The following SPTB variants were observed in gnomAD, a reference collection of about 807,000 sequenced individuals.
The protein encoded by SPTB is spectrin beta chain, erythrocytic.
SPTB carries 45 observed loss-of-function variants against 256.2 expected under a neutral mutation model. The ratio of observed to expected loss-of-function variants is 0.18; its 90% CI spans 0.14 to 0.23. The LOEUF is 0.23. Ranked by LOEUF, SPTB falls within the 10% of genes least tolerant of loss-of-function variation. SPTB has a pLI of 1.00. For missense variants in SPTB, 2,715 were observed against 3,040.4 expected (o/e 0.89, Z 2.52); for synonymous variants, 1,231 against 1,243.1 (o/e 0.99, Z 0.21).
rs937595624 is a variant in SPTB at position 64,825,975 on chromosome 14, G to GGTTTTT, written c.-51-2836_-51-2831dup. On this transcript the variant is annotated intron_variant, in intron 1 of 35. Transcript: ENST00000644917. This position sits in a 1 kb window ranked among gnomAD's most constrained non-coding sequence, Gnocchi z 4.8. ...TGTGTGTCTAAATATACAGCTGGAGGGTTTTTGTTTTTGTTTTTGTTTTGG... is the reference window on the plus strand; with the variant it reads ...TGTGTGTCTAAATATACAGCTGGAGGGTTTTTGTTTTTGTTTTTGTTTTTGTTTTGG... Among the ~76,000 whole-genome samples the GGTTTTT allele has an allele frequency of 1.3e-5, 2 of 152,328 alleles. No individual in the cohort carries two copies. Among genetic ancestry groups the GGTTTTT allele is most frequent in the Non-Finnish European group, 2.9e-5 (2 of 68,036 alleles).
chr14:64,765,932 A>ATG (rs372157509), intron 32 of SPTB, among the ~76,000 whole-genome samples: 7,241 of 124,102 alleles, frequency 0.058, 282 homozygotes, highest in African/African-American at 0.12. Context: ...ATGAGTGTGT[A>ATG]TGTGTGTGGG....
intron 15 of SPTB, 103 bp from the exon 16 acceptor site, chr14:64,787,263 C>T (rs2082589139): frequency 2.0e-6 from 3 of 1,468,072 alleles, no homozygotes; most frequent in African/African-American, 2.8e-5. Flanking sequence ...ACAAGTCTCC[C>T]CCCACAGACT....
chr14:64,849,511 T>C (rs1290004351), intron 1 of SPTB, among the ~76,000 whole-genome samples: 2 of 152,232 alleles, frequency 1.3e-5, no homozygotes, highest in African/African-American at 4.8e-5. Context: ...TTACTAAACC[T>C]TGGACACTTC....
intron 1 of SPTB, among the ~76,000 whole-genome samples, chr14:64,874,644 A>C (rs879647648): frequency 3.3e-5 from 5 of 152,250 alleles, no homozygotes; most frequent in African/African-American, 1.2e-4. Flanking sequence ...GGACAGAATA[A>C]GGTTACAGAC....
chr14:64,845,163 T>C lies in SPTB; in HGVS notation c.-51-22018A>G. Among the ~76,000 whole-genome samples, 1 of 152,220 alleles carries C rather than the reference T, an allele frequency of 6.6e-6. No individual in the cohort carries two copies. The highest frequency in any genetic ancestry group is 1.9e-4 in the East Asian group (1 of 5,190). ...TCTGGGCATGGCAGAACTAGCCTGC[T>C]CCCTGTCATTATCTCTTTTATGCCC... On this transcript the variant is annotated intron_variant, in intron 1 of 35. Transcript: ENST00000644917. The surrounding 1 kb of genome is among the most constrained non-coding windows in gnomAD (Gnocchi z 4.8).
In SPTB at chr14:64,793,383, T is replaced by C. The variant is rs769469651; in HGVS notation, c.2280A>G (p.Gln760=). The C allele has an allele frequency of 1.2e-5, 19 of 1,612,996 alleles. No homozygotes were observed. The Middle Eastern group carries it at 4.9e-4, about 42-fold the overall frequency. The change falls in exon 14 of 36, where the codon CAA becomes CAG. Residue 760 remains glutamine, a synonymous_variant. Coordinates refer to ENST00000644917, the MANE Select transcript of SPTB (RefSeq NM_001355436.2). The surrounding 1 kb of genome is among the most constrained non-coding windows in gnomAD (Gnocchi z 7.0). ...GDADDLKAWL[Q]DAHRLLSGED... Reference sequence around the variant, plus strand: ...CACCAGAGAGCAGCCGGTGGGCGTCTTGCAGCCAAGCCTTCAGGTCATCCG... The same window carrying C: ...CACCAGAGAGCAGCCGGTGGGCGTCCTGCAGCCAAGCCTTCAGGTCATCCG...
At chr14:64,780,003 T>C in intron 20 of SPTB, 72 bp from the exon 21 acceptor site, 1 of 1,352,052 alleles carries the variant, frequency 7.4e-7, no homozygotes, top group Non-Finnish European at 1.1e-6. Context: ...TTCATTCATC[T>C]GCATCCCACC....
intron 2 of SPTB, among the ~76,000 whole-genome samples, chr14:64,820,841 T>C (rs1215439962): frequency 8.1e-6 from 1 of 124,102 alleles, no homozygotes; most frequent in Admixed American, 8.0e-5. Flanking sequence ...CAGCTATTTC[T>C]TTTTTTTTTG....
At chr14:64,870,601 GAC>G (rs1882471531) in intron 1 of SPTB, among the ~76,000 whole-genome samples, 1 of 152,194 alleles carries the variant, frequency 6.6e-6, no homozygotes, top group Admixed American at 6.5e-5. Flanking sequence ...ATCACCCAAA[GAC>G]AGTGTTCTGA....
intron 1 of SPTB, among the ~76,000 whole-genome samples, chr14:64,876,342 G>A (rs535483157): frequency 5.9e-5 from 9 of 152,142 alleles, no homozygotes; most frequent in African/African-American, 2.2e-4. Flanking sequence ...GGTTTGGCCA[G>A]GCTGGTCTCG....
chr14:64,818,762 G>A (rs1420339570), intron 2 of SPTB, among the ~76,000 whole-genome samples: 1 of 152,182 alleles, frequency 6.6e-6, no homozygotes, highest in African/African-American at 2.4e-5. Flanking sequence ...GGGGCTGTGT[G>A]ACAATTAGGG....
intron 1 of SPTB, among the ~76,000 whole-genome samples, chr14:64,848,047 C>A (rs2083720600): frequency 1.3e-5 from 2 of 152,070 alleles, no homozygotes; most frequent in Non-Finnish European, 2.9e-5. Context: ...AGTCCATGGC[C>A]CTCTTTGATT....
chr14:64,879,251 G>C (rs576518500), intron 1 of SPTB, among the ~76,000 whole-genome samples: 100 of 152,308 alleles, frequency 6.6e-4, no homozygotes, highest in Non-Finnish European at 1.1e-3. Flanking sequence ...CCAGCACCCG[G>C]AGGCCCGGCC....
chr14:64,855,476 T>A (rs17102227), intron 1 of SPTB, among the ~76,000 whole-genome samples: 2,159 of 152,284 alleles, frequency 0.014, 33 homozygotes, highest in African/African-American at 0.041. Context: ...ATATTCATCA[T>A]CCCTTGTGTT....
Position 64,826,098 on chromosome 14 carries a change from C to T in SPTB, c.-51-2953G>A, listed in dbSNP as rs1000624169. Among the ~76,000 whole-genome samples the T allele has an allele frequency of 6.6e-6, 1 of 152,190 alleles. No individual in the cohort carries two copies. The highest frequency in any genetic ancestry group is 2.4e-5 in the African/African-American group (1 of 41,446). On this transcript the variant is annotated intron_variant, in intron 1 of 35. Transcript: ENST00000644917. The surrounding 1 kb of genome is among the most constrained non-coding windows in gnomAD (Gnocchi z 4.4). ...TGCCCTCTTCCCCTGCCATGCCCAC[C>T]CCAGGCCCTGCCCAGATGGCATTCC...
intron 1 of SPTB, among the ~76,000 whole-genome samples, chr14:64,859,904 C>A (rs575348839): frequency 6.0e-4 from 90 of 149,102 alleles, no homozygotes; most frequent in Non-Finnish European, 1.1e-3. Flanking sequence ...CATTTGTGAT[C>A]AGAAAAAAAA....
At chr14:64,851,900 T>C (rs2083794770) in intron 1 of SPTB, among the ~76,000 whole-genome samples, 1 of 151,764 alleles carries the variant, frequency 6.6e-6, no homozygotes, top group Non-Finnish European at 1.5e-5. Flanking sequence ...AAAGGAAAAA[T>C]AGCTAATGCG....
At position 64,747,278 on chromosome 14, in the gene SPTB, A is replaced by G. The variant is rs2081861542; in HGVS notation, c.*2028T>C. The G allele has an allele frequency of 6.6e-6, 1 of 152,574 alleles. No homozygotes were observed. Among genetic ancestry groups the G allele is most frequent in the African/African-American group, 2.4e-5 (1 of 41,446 alleles). 9.5% of individuals were successfully genotyped at this position (152,574 alleles called of 1,614,324 possible). Reference sequence around the variant, plus strand: ...ACAGTTGAGGGAGATGTTTGCCACCATCTGCCCTTCAGCAAGGAACCTGCT... The same window carrying G: ...ACAGTTGAGGGAGATGTTTGCCACCGTCTGCCCTTCAGCAAGGAACCTGCT... On this transcript the variant is annotated 3_prime_UTR_variant, in exon 36 of 36. Transcript: ENST00000644917.
rs1165368499 is a variant in SPTB, at chr14:64,767,822, C to T, written c.6060G>A (p.Val2020=). ...EVCQFSRDAS[V]AEAWLIAQEP... ...CCTGGGCAATCAGCCACGCCTCAGC[C>T]ACAGAGGCATCCCTCGAGAACTGGC... is the stretch of plus-strand genomic sequence containing the variant. Residue 2020 remains valine, a synonymous_variant, in exon 30 of 36, where the codon GTG becomes GTA. Coordinates refer to ENST00000644917, the MANE Select transcript of SPTB (RefSeq NM_001355436.2). 2.5e-6 allele frequency: 4 copies of T among 1,614,054 alleles called. No individual in the cohort carries two copies. The highest frequency in any genetic ancestry group is 1.1e-5 in the South Asian group (1 of 91,094).
Sources: allele counts gnomAD v4.1 joint callset (sites outside exome capture counted in the v4.1 genomes callset), GRCh38; gene constraint gnomAD v4.1.1; non-coding constraint Gnocchi (gnomAD v3.1); transcripts MANE v1.5; gene names NCBI Gene and HGNC (gene_info 2026-07-23, HGNC 2026-07-21).